The following EIF2D variants were observed in gnomAD, a reference collection of about 807,000 sequenced individuals.
The protein encoded by EIF2D is hepatocellular carcinoma-associated antigen 56.
A neutral mutation model predicts 77.4 loss-of-function variants in EIF2D; 56 were observed. The observed-to-expected ratio is 0.72, with a 90% CI of 0.58 to 0.90. The LOEUF (loss-of-function observed/expected upper bound fraction) is 0.90, where lower values mean the gene tolerates loss of function less well. Among genes scored for constraint, EIF2D ranks in the 40% least tolerant of loss-of-function variants. The probability of loss-of-function intolerance (pLI) is 0.00; values close to 1 mark genes in which losing one functional copy is unlikely to be tolerated. For missense variants in EIF2D, 574 were observed against 706.5 expected (o/e 0.81, Z 2.13); for synonymous variants, 230 against 271.0 (o/e 0.85, Z 1.49).
chr1:206,574,319 G>A (rs1553404758), intron 4 of EIF2D, among the ~76,000 whole-genome samples: 1 of 152,210 alleles, frequency 6.6e-6, no homozygotes, highest in African/African-American at 2.4e-5. Context: ...ATCCATCTCT[G>A]TCTTCCCTTC....
chr1:206,597,131 T>C lies in EIF2D; in HGVS notation c.1357A>G (p.Met453Val). The change falls in exon 12 of 15, where the codon ATG becomes GTG. Residue 453 changes from methionine to valine, a missense_variant. Transcript: ENST00000271764. The stretch of plus-strand genomic sequence containing the variant: ...AGAAGACTGTCCCATGGAAGCTTCA[T>C]GACTGTATGCTGTTCATTTTTCTCT... ...ILEKNEQHTV[M>V]KLPWDSLLTR... 1.2e-6 allele frequency: 2 copies of C among 1,614,154 alleles called. No individual in the cohort carries two copies. Among genetic ancestry groups the C allele is most frequent in the Non-Finnish European group, 8.5e-7 (1 of 1,179,998 alleles).
At chr1:206,578,158 C>T (rs371863146) in intron 4 of EIF2D, among the ~76,000 whole-genome samples, 1 of 150,944 alleles carries the variant, frequency 6.6e-6, no homozygotes, top group East Asian at 1.9e-4. Flanking sequence ...CCTAGGAGGT[C>T]GAGGCTGCAG....
rs1352243959 is a variant in EIF2D, at chr1:206,597,030, A to G, written c.1388+70T>C. 3 of 1,158,304 alleles carry G rather than the reference A, an allele frequency of 2.6e-6. No individual in the cohort carries two copies. In the Admixed American group the frequency reaches 5.2e-5, roughly 20 times the overall value. The allele number at this position is 1,158,304 out of a possible 1,614,324, so 71.8% of individuals were successfully genotyped here. A position where few individuals can be genotyped will look rare whatever the true frequency, so the allele number is the denominator to read the frequency against. On this transcript the variant is annotated intron_variant, in intron 12 of 14. Coordinates refer to ENST00000271764, the MANE Select transcript of EIF2D (RefSeq NM_006893.3). The stretch of plus-strand genomic sequence containing the variant: ...CAAAGGCTAAGATAGTGACAGTATT[A>G]AAGTTCAATGTGATCAACATTAAGG...
intron 4 of EIF2D, among the ~76,000 whole-genome samples, chr1:206,578,971 G>T (rs1389865207): frequency 6.6e-6 from 1 of 152,190 alleles, no homozygotes; most frequent in African/African-American, 2.4e-5. Context: ...GACGAAAGGG[G>T]TATGGTCCTC....
chr1:206,578,352 C>A (rs543745622), intron 4 of EIF2D, among the ~76,000 whole-genome samples: 113 of 152,090 alleles, frequency 7.4e-4, no homozygotes, highest in African/African-American at 2.5e-3. Context: ...CTTTCCTTGA[C>A]TGTAAAATGA....
chr1:206,600,178 G>C, intron 8 of EIF2D, 85 bp downstream of exon 8: 1 of 1,365,176 alleles, frequency 7.3e-7, no homozygotes, highest in South Asian at 1.3e-5. Context: ...TGGTAGACAA[G>C]GCTTCCCCAG....
intron 7 of EIF2D, 37 bp downstream of exon 7, chr1:206,602,299 G>A (rs371796649): frequency 8.7e-5 from 136 of 1,571,736 alleles, no homozygotes; most frequent in Non-Finnish European, 1.1e-4. Context: ...GTGAGACCCC[G>A]GCCCCGGCCT....
In EIF2D at chr1:206,591,671, A is replaced by C; in HGVS notation, c.*104T>G. The C allele has an allele frequency of 9.6e-7, 1 of 1,042,084 alleles. No homozygotes were observed. Among genetic ancestry groups the C allele is most frequent in the Non-Finnish European group, 1.5e-6 (1 of 687,002 alleles). 64.6% of individuals were successfully genotyped at this position (1,042,084 alleles called of 1,614,324 possible). A position where few individuals can be genotyped will look rare whatever the true frequency, so the allele number is the denominator to read the frequency against. On this transcript the variant is annotated 3_prime_UTR_variant, in exon 15 of 15. Coordinates refer to ENST00000271764, the MANE Select transcript of EIF2D (RefSeq NM_006893.3). ...GATTAGAATAAAAATTTATTTTTGTAAAGAATTATATTTTGTATTTGCAAA... is the reference window on the plus strand; with the variant it reads ...GATTAGAATAAAAATTTATTTTTGTCAAGAATTATATTTTGTATTTGCAAA...
intron 5 of EIF2D, chr1:206,603,455 T>A (rs1553411885): frequency 6.5e-6 from 3 of 462,332 alleles, no homozygotes; most frequent in East Asian, 3.4e-5. Context: ...CCCAAAAGAA[T>A]AATACTATTA....
Position 206,584,712 on chromosome 1 carries a change from C to T in EIF2D, c.139-3550G>A, listed in dbSNP as rs782685601. ...AGGAGAAAGAGTGAACCCAACCAGA[C>T]CGTTCCCTTCCTACCTGTGTCCAAG... On this transcript the variant is annotated intron_variant and NMD_transcript_variant, in intron 2 of 5. Transcript: ENST00000472709. The surrounding 1 kb of genome is among the most constrained non-coding windows in gnomAD (Gnocchi z 4.9). 17 of 1,612,612 alleles carry T rather than the reference C, an allele frequency of 1.1e-5. No individual in the cohort carries two copies. The South Asian group carries it at 1.6e-4, about 16-fold the overall frequency.
intron 2 of EIF2D, chr1:206,586,501 A>C: frequency 4.0e-6 from 1 of 248,336 alleles, no homozygotes; most frequent in Non-Finnish European, 7.9e-6. Context: ...GAGGGTCTGC[A>C]TGTTGGGAGG....
At chr1:206,581,744 C>T (rs909048013) in intron 2 of EIF2D, among the ~76,000 whole-genome samples, 1 of 152,106 alleles carries the variant, frequency 6.6e-6, no homozygotes, top group Non-Finnish European at 1.5e-5. Context: ...GCCAGCTCCT[C>T]TTGGCAGCCA....
At position 206,599,677 on chromosome 1, in the gene EIF2D, G is replaced by A. The variant is rs1553410871; in HGVS notation, c.1052+56C>T. ...CTAGCATCTCAGCAATCCCCAGTCC[G>A]TGGCCCAGGTGCCCTGGGGCCAGCT... On this transcript the variant is annotated intron_variant, in intron 9 of 14. Coordinates refer to ENST00000271764, the MANE Select transcript of EIF2D (RefSeq NM_006893.3). This position sits in a 1 kb window ranked among gnomAD's most constrained non-coding sequence, Gnocchi z 4.1. 1.8e-5 allele frequency: 29 copies of A among 1,612,086 alleles called. No homozygotes were observed. Among genetic ancestry groups the A allele is most frequent in the Middle Eastern group, 1.6e-4 (1 of 6,070 alleles).
At position 206,600,477 on chromosome 1, in the gene EIF2D, T is replaced by C. The variant is rs542350301; in HGVS notation, c.903-169A>G. ...TGACAGCAGAGAGGGATGCAGACTATGGGACATTCTAAATCAGTGCTGTTC... is the reference window on the plus strand; with the variant it reads ...TGACAGCAGAGAGGGATGCAGACTACGGGACATTCTAAATCAGTGCTGTTC... On this transcript the variant is annotated intron_variant, in intron 7 of 14. Transcript: ENST00000271764. 6 of 604,726 alleles carry C rather than the reference T, an allele frequency of 9.9e-6. No homozygotes were observed. The East Asian group carries it at 1.4e-4, about 14-fold the overall frequency. The allele number at this position is 604,726 out of a possible 1,614,324, so 37.5% of individuals were successfully genotyped here.
At chr1:206,573,427 G>GA (rs1668522474) in intron 4 of EIF2D, among the ~76,000 whole-genome samples, 1 of 152,210 alleles carries the variant, frequency 6.6e-6, no homozygotes, top group Admixed American at 6.5e-5. Flanking sequence ...TCTCTGCTAT[G>GA]TGTCAAGCTG....
At chr1:206,595,577 GC>G (rs1669607340) in intron 13 of EIF2D, 140 bp downstream of exon 13, 1 of 1,032,912 alleles carries the variant, frequency 9.7e-7, no homozygotes, top group Non-Finnish European at 1.4e-6. Context: ...CCCAGCCCAG[GC>G]ACATAAACAC....
intron 2 of EIF2D, chr1:206,585,277 T>C: frequency 1.2e-6 from 2 of 1,614,004 alleles, no homozygotes; most frequent in Non-Finnish European, 1.7e-6. Flanking sequence ...TAAAGGAGAA[T>C]GAAACTGGAG....
intron 4 of EIF2D, among the ~76,000 whole-genome samples, chr1:206,580,062 G>A (rs1391284047): frequency 5.3e-5 from 8 of 152,188 alleles, no homozygotes; most frequent in African/African-American, 1.9e-4. Context: ...AGAATGGTGA[G>A]GTCAGGGCTG....
Position 206,584,952 on chromosome 1 carries a change from A to G in EIF2D, c.139-3790T>C, listed in dbSNP as rs1189777397. 1 of 606,126 alleles carries G rather than the reference A, an allele frequency of 1.6e-6. No homozygotes were observed. The highest frequency in any genetic ancestry group is 2.7e-5 in the East Asian group (1 of 36,502). 37.5% of individuals were successfully genotyped at this position (606,126 alleles called of 1,614,324 possible). A position where few individuals can be genotyped will look rare whatever the true frequency, so the allele number is the denominator to read the frequency against. On this transcript the variant is annotated intron_variant and NMD_transcript_variant, in intron 2 of 5. Coordinates refer to the EIF2D transcript ENST00000472709. This position sits in a 1 kb window ranked among gnomAD's most constrained non-coding sequence, Gnocchi z 4.9. ...GGGAGGAATCTGCCCCACCATTCCT[A>G]ATCTTTCAGGAGATGATGTGAATGG...
Sources: gnomAD v4.1 joint callset for allele counts (sites outside exome capture counted in the v4.1 genomes callset) on GRCh38, gnomAD v4.1.1 for gene constraint, Gnocchi (gnomAD v3.1) non-coding constraint, MANE v1.5 for transcripts, NCBI Gene and HGNC (gene_info 2026-07-23, HGNC 2026-07-21) for gene names.